Variants in SLC4A1 observed in about 807,000 individuals in gnomAD.
SLC4A1 encodes the protein band 3 anion transport protein.
SLC4A1 carries 29 observed loss-of-function variants against 93.1 expected under a neutral mutation model. The ratio of observed to expected loss-of-function variants is 0.31; its 90% CI spans 0.23 to 0.42. SLC4A1 has a LOEUF of 0.42. Among genes scored for constraint, SLC4A1 ranks in the 20% least tolerant of loss-of-function variants. The pLI is 1.00. For synonymous variants in SLC4A1, 469 were observed against 497.2 expected (o/e 0.94, Z 0.76); for missense variants, 965 against 1,190.1 (o/e 0.81, Z 2.78).
chr17:44,255,679 A>G lies in SLC4A1; in HGVS notation c.1794T>C (p.Pro598=). The G allele has an allele frequency of 1.2e-6, 2 of 1,613,992 alleles. No homozygotes were observed. Among genetic ancestry groups the G allele is most frequent in the Non-Finnish European group, 1.7e-6 (2 of 1,180,008 alleles). ...LRKFKNSSYF[P]GKLRRVIGDF... ...GCGAGGAGGGTATGCTGACCTTGCC[A>G]GGGAAATAGGAGCTGTTCTTGAACT... The change falls in exon 14 of 20, where the codon CCT becomes CCC. Residue 598 remains proline (P), a synonymous_variant. Transcript: ENST00000262418.
At chr17:44,251,824 C>T (rs977946995) in intron 17 of SLC4A1, among the ~76,000 whole-genome samples, 2 of 133,286 alleles carry the variant, frequency 1.5e-5, no homozygotes, top group African/African-American at 5.6e-5. Context: ...GACTTAACCT[C>T]CTGATCCCAA....
chr17:44,252,011 A>C (rs1598295971), intron 17 of SLC4A1, among the ~76,000 whole-genome samples: 1 of 137,326 alleles, frequency 7.3e-6, no homozygotes, highest in Admixed American at 7.4e-5. Context: ...CAAAGTGTTG[A>C]GATCCCACGC....
chr17:44,255,751 G>T lies in SLC4A1; in HGVS notation c.1722C>A (p.Ser574=), dbSNP rs2144608297. Residue 574 remains serine, a synonymous_variant, in exon 14 of 20, where the codon TCC becomes TCA. Transcript: ENST00000262418. ...AGAAGGTACCGGCCATGAGCACAAGGGAGAGGAGGGCTGTGTTGGGCAGGG... is the reference window on the plus strand; with the variant it reads ...AGAAGGTACCGGCCATGAGCACAAGTGAGAGGAGGGCTGTGTTGGGCAGGG... ...QGPLPNTALL[S]LVLMAGTFFF... 6.2e-7 allele frequency: 1 copy of T among 1,614,122 alleles called. No homozygotes were observed. Among genetic ancestry groups the T allele is most frequent in the African/African-American group, 1.3e-5 (1 of 75,012 alleles).
At position 44,258,096 on chromosome 17, in the gene SLC4A1, G is replaced by A. The variant is rs761704181; in HGVS notation, c.1172C>T (p.Pro391Leu). Residue 391 changes from proline (P) to leucine (L), a missense_variant, in exon 11 of 20, where the codon CCC becomes CTC. Transcript: ENST00000262418. This position sits in a 1 kb window ranked among gnomAD's most constrained non-coding sequence, Gnocchi z 6.1. The stretch of plus-strand genomic sequence containing the variant: ...ATCTGTGATGTCACTCAGGTAATAG[G>A]GGTAGCGGCGCCGGATATCACGCAC... The part of the protein sequence containing the change: ...GLVRDIRRRY[P>L]YYLSDITDAF... 4.3e-5 allele frequency: 70 copies of A among 1,613,992 alleles called. No homozygotes were observed. The highest frequency in any genetic ancestry group is 5.8e-5 in the Non-Finnish European group (68 of 1,180,022).
intron 1 of SLC4A1, among the ~76,000 whole-genome samples, chr17:44,263,200 A>T (rs1041812604): frequency 1.3e-5 from 2 of 151,942 alleles, no homozygotes; most frequent in African/African-American, 4.8e-5. Flanking sequence ...TGGGCAGGTC[A>T]CCCTCAGGTC....
chr17:44,263,781 C>CT (rs1011023335), intron 1 of SLC4A1, among the ~76,000 whole-genome samples: 1 of 143,908 alleles, frequency 6.9e-6, no homozygotes, highest in African/African-American at 2.7e-5. Context: ...CTCTCTCTTC[C>CT]TTTTTGAGAC....
At chr17:44,259,644 C>T in intron 7 of SLC4A1, 63 bp from the exon 8 acceptor site, 2 of 1,511,370 alleles carry the variant, frequency 1.3e-6, no homozygotes, top group Non-Finnish European at 1.8e-6. Context: ...ACCTGAGCAT[C>T]CTCCCCTTCC....
intron 11 of SLC4A1, 66 bp from the exon 12 acceptor site, chr17:44,257,873 CA>C: frequency 6.2e-7 from 1 of 1,609,384 alleles, no homozygotes; most frequent in Non-Finnish European, 8.5e-7. Flanking sequence ...TAGAGCAAGT[CA>C]TGGTCAGGCT....
intron 1 of SLC4A1, among the ~76,000 whole-genome samples, chr17:44,264,132 A>G (rs2047475721): frequency 6.6e-6 from 1 of 152,162 alleles, no homozygotes; most frequent in Non-Finnish European, 1.5e-5. Context: ...CCTCCAGAGT[A>G]GCTAGCACAC....
Position 44,260,735 on chromosome 17 carries a change from T to C in SLC4A1, c.249A>G (p.Gln83=). The change falls in exon 5 of 20, where the codon CAA becomes CAG. Residue 83 remains glutamine, a synonymous_variant. Transcript: ENST00000262418. ...CATTCTCCCCCAGGTTCTCCTCCAG[T>C]TGCACCCAGCGCGCCGCCTCCATCC... ...LRWMEAARWV[Q]LEENLGENGA... The C allele has an allele frequency of 3.7e-6, 6 of 1,614,148 alleles. No homozygotes were observed. Among genetic ancestry groups the C allele is most frequent in the Non-Finnish European group, 5.1e-6 (6 of 1,180,026 alleles).
rs758921714 is a variant in SLC4A1, at chr17:44,261,566, G to A, written c.168+9C>T. ...CATGGGAAAGAACGGAGGAGGCTGGGGTCCTCACCTTGTGGGTACCCGGGT... is the reference window on the plus strand; with the variant it reads ...CATGGGAAAGAACGGAGGAGGCTGGAGTCCTCACCTTGTGGGTACCCGGGT... On this transcript the variant is annotated intron_variant, in intron 4 of 19. Transcript: ENST00000262418. 1 of 1,614,182 alleles carries A rather than the reference G, an allele frequency of 6.2e-7. No individual in the cohort carries two copies.
At position 44,258,315 on chromosome 17, in the gene SLC4A1, G is replaced by A; in HGVS notation, c.1087+98C>T. The A allele has an allele frequency of 2.8e-6, 4 of 1,418,982 alleles. No homozygotes were observed. Among genetic ancestry groups the A allele is most frequent in the South Asian group, 2.3e-5 (2 of 87,054 alleles). 87.9% of individuals were successfully genotyped at this position (1,418,982 alleles called of 1,614,324 possible). On this transcript the variant is annotated intron_variant, in intron 10 of 19. Transcript: ENST00000262418. This position sits in a 1 kb window ranked among gnomAD's most constrained non-coding sequence, Gnocchi z 6.1. ...AGTCTGGAAGATGTGGGCAAAGGGA[G>A]CGATGAGAGGGGAACATGTGATGGG...
intron 1 of SLC4A1, among the ~76,000 whole-genome samples, chr17:44,266,685 G>A (rs1265880509): frequency 2.6e-5 from 4 of 152,064 alleles, no homozygotes; most frequent in Admixed American, 2.0e-4. Context: ...CAGCCAGGCC[G>A]CCCCCCAGCT....
intron 17 of SLC4A1, among the ~76,000 whole-genome samples, 157 bp downstream of exon 17, chr17:44,252,961 C>A (rs1175207516): frequency 6.6e-6 from 1 of 152,132 alleles, no homozygotes; most frequent in Admixed American, 6.5e-5. Flanking sequence ...CCTCCAGGAT[C>A]CCCTCGTGTG....
rs545502520 is a variant in SLC4A1 at position 44,258,327 on chromosome 17, G to T, written c.1087+86C>A. 4.4e-5 allele frequency: 64 copies of T among 1,443,346 alleles called. No homozygotes were observed. Among genetic ancestry groups the T allele is most frequent in the Non-Finnish European group, 5.9e-5 (61 of 1,025,768 alleles). The allele number at this position is 1,443,346 out of a possible 1,614,324, so 89.4% of individuals were successfully genotyped here. A position where few individuals can be genotyped will look rare whatever the true frequency, so the allele number is the denominator to read the frequency against. ...GTGGGCAAAGGGAGCGATGAGAGGG[G>T]AACATGTGATGGGAGACAGAGGCTA... On this transcript the variant is annotated intron_variant, in intron 10 of 19. Coordinates refer to ENST00000262418, the MANE Select transcript of SLC4A1 (RefSeq NM_000342.4). The surrounding 1 kb of genome is among the most constrained non-coding windows in gnomAD (Gnocchi z 6.1).
rs57466226 is a variant in SLC4A1, at chr17:44,248,849, GTTTTTTTTT to G, written c.*1600_*1608del. 19 of 71,768 alleles carry G rather than the reference GTTTTTTTTT, an allele frequency of 2.6e-4. 1 individual carries two copies. Among genetic ancestry groups the G allele is most frequent in the East Asian group, 2.0e-3 (3 of 1,534 alleles). 4.4% of individuals were successfully genotyped at this position (71,768 alleles called of 1,614,324 possible). On this transcript the variant is annotated 3_prime_UTR_variant, in exon 20 of 20. Transcript: ENST00000262418. ...GCCCCCAAGGCTGATGTTTCCTTCCGTTTTTTTTTTTTTTTTTTTTTTTTTTTTGAGACA... is the reference window on the plus strand; with the variant it reads ...GCCCCCAAGGCTGATGTTTCCTTCCGTTTTTTTTTTTTTTTTTTTGAGACA...
chr17:44,268,013 G>T (rs1244514037), intron 1 of SLC4A1, 41 bp downstream of exon 1: 20 of 946,138 alleles, frequency 2.1e-5, no homozygotes, highest in Middle Eastern at 5.3e-4. Context: ...CTCAGGGCAG[G>T]CACCGAAGGA....
intron 1 of SLC4A1, among the ~76,000 whole-genome samples, chr17:44,267,631 G>C (rs1242078821): frequency 6.6e-6 from 1 of 152,186 alleles, no homozygotes; most frequent in African/African-American, 2.4e-5. Flanking sequence ...TAGACCCCTG[G>C]AAGTGTCCCA....
chr17:44,254,766 C>T (rs1301802115), intron 15 of SLC4A1, 104 bp from the exon 16 acceptor site: 11 of 955,632 alleles, frequency 1.2e-5, no homozygotes, highest in Non-Finnish European at 1.6e-5. Context: ...AGGTTGGAGG[C>T]ACTTGGGAAC....
Sources: allele counts gnomAD v4.1 joint callset (sites outside exome capture counted in the v4.1 genomes callset), GRCh38; gene constraint gnomAD v4.1.1; non-coding constraint Gnocchi (gnomAD v3.1); transcripts MANE v1.5; gene names NCBI Gene and HGNC (gene_info 2026-07-23, HGNC 2026-07-21).